OTULINL: variants seen among roughly 807,000 people sequenced by gnomAD.
OTULINL encodes inactive ubiquitin thioesterase OTULINL.
OTULINL carries 42 observed loss-of-function variants against 43.9 expected under a neutral mutation model. That is an observed-to-expected ratio of 0.96 (90% CI 0.75 to 1.24). The LOEUF is 1.24. Among genes scored for constraint, OTULINL ranks in the 50% most tolerant of loss-of-function variants. The probability of loss-of-function intolerance (pLI) is 0.00; values close to 1 mark genes in which losing one functional copy is unlikely to be tolerated. For missense variants in OTULINL, 411 were observed against 426.4 expected (o/e 0.96, Z 0.32); for synonymous variants, 172 against 153.6 (o/e 1.12, Z -0.88).
At chr5:14,589,063 A>G (rs1242377586) in intron 1 of OTULINL, among the ~76,000 whole-genome samples, 3 of 152,194 alleles carry the variant, frequency 2.0e-5, no homozygotes, top group Non-Finnish European at 4.4e-5. Flanking sequence ...CGTTCATTCA[A>G]GAAATATGTA....
At chr5:14,599,516 TTTTC>T (rs1217137662) in intron 1 of OTULINL, among the ~76,000 whole-genome samples, 6 of 152,194 alleles carry the variant, frequency 3.9e-5, no homozygotes, top group African/African-American at 1.4e-4. Context: ...GCTAGTGTTT[TTTTC>T]TTTATTTGCT....
rs1216052918 is a variant in OTULINL, at chr5:14,610,178, AGAT to A, written c.936_938del (p.Ile313del). 1 of 1,614,088 alleles carries A rather than the reference AGAT, an allele frequency of 6.2e-7. No individual in the cohort carries two copies. The highest frequency in any genetic ancestry group is 8.5e-7 in the Non-Finnish European group (1 of 1,179,954). ...ATACTTGGATACTCCCTTGAAGTAA[AGAT>A]AAAAGTGTTCAGACTGTTCAAGTTT... On this transcript the variant is annotated inframe_deletion, in exon 8 of 8. Transcript: ENST00000274217.
At position 14,601,409 on chromosome 5, in the gene OTULINL, A is replaced by G. The variant is rs1759386739; in HGVS notation, c.315A>G (p.Lys105=). The change falls in exon 4 of 8, where the codon AAA becomes AAG. Residue 105 remains lysine, a synonymous_variant. Transcript: ENST00000274217. ...TCAGTTATTGTGCAAGAGAATGGAA[A>G]GGAGAGACACCCCGTAACAAGCTGA... ...DLLSYCAREW[K]GETPRNKLMR... The G allele has an allele frequency of 6.2e-7, 1 of 1,614,094 alleles. No homozygotes were observed. Among genetic ancestry groups the G allele is most frequent in the Non-Finnish European group, 8.5e-7 (1 of 1,180,042 alleles).
chr5:14,610,821 T>C lies in OTULINL; in HGVS notation c.*507T>C, dbSNP rs573771588. 1 of 156,540 alleles carries C rather than the reference T, an allele frequency of 6.4e-6. No individual in the cohort carries two copies. Among genetic ancestry groups the C allele is most frequent in the South Asian group, 1.9e-4 (1 of 5,342 alleles). The allele number at this position is 156,540 out of a possible 1,614,324, so 9.7% of individuals were successfully genotyped here. ...TTTTTGATAACCATTTGATTAACTTTAAAATTAAGTATATGTGTGTATATA... is the reference window on the plus strand; with the variant it reads ...TTTTTGATAACCATTTGATTAACTTCAAAATTAAGTATATGTGTGTATATA... On this transcript the variant is annotated 3_prime_UTR_variant, in exon 8 of 8. Coordinates refer to ENST00000274217, the MANE Select transcript of OTULINL (RefSeq NM_019018.3).
chr5:14,603,836 TCTAATATAGGAA>T (rs1355447675), intron 5 of OTULINL, among the ~76,000 whole-genome samples: 2 of 152,214 alleles, frequency 1.3e-5, no homozygotes, highest in Non-Finnish European at 2.9e-5. Context: ...ATGCAGTATG[TCTAATATAGGAA>T]CTACATTTAA....
intron 1 of OTULINL, among the ~76,000 whole-genome samples, chr5:14,593,343 T>C (rs1272504574): frequency 1.3e-5 from 2 of 152,294 alleles, no homozygotes; most frequent in African/African-American, 4.8e-5. Context: ...TTTGTTTAAT[T>C]TTGTTCCAAC....
At chr5:14,588,534 A>G (rs1248050382) in intron 1 of OTULINL, among the ~76,000 whole-genome samples, 2 of 152,232 alleles carry the variant, frequency 1.3e-5, no homozygotes, top group African/African-American at 4.8e-5. Flanking sequence ...AAAAGTCAGA[A>G]GGGACCACCA....
chr5:14,614,582 G>A lies in OTULINL; in HGVS notation c.*4268G>A. On this transcript the variant is annotated 3_prime_UTR_variant, in exon 8 of 8. Transcript: ENST00000274217. ...TTATATTTATGCTTAATATCAACAT[G>A]GTTTATAAGTGGACAGAAAAACACT... The A allele has an allele frequency of 2.5e-6, 1 of 398,596 alleles. No individual in the cohort carries two copies. The highest frequency in any genetic ancestry group is 3.6e-5 in the East Asian group (1 of 28,078). 24.7% of individuals were successfully genotyped at this position (398,596 alleles called of 1,614,324 possible). A position where few individuals can be genotyped will look rare whatever the true frequency, so the allele number is the denominator to read the frequency against.
intron 1 of OTULINL, among the ~76,000 whole-genome samples, chr5:14,587,366 C>T (rs940473165): frequency 1.3e-5 from 2 of 152,202 alleles, no homozygotes; most frequent in African/African-American, 4.8e-5. Flanking sequence ...GAAGAGATGG[C>T]AAGCCAGTGC....
In OTULINL at chr5:14,602,070, G is replaced by C. The variant is rs1759397082; in HGVS notation, c.349-113G>C. ...GCGGTCATATTCGTAATTTATCATT[G>C]TTTCTGTTGTCCACTTTAGTTGGGA... On this transcript the variant is annotated intron_variant, in intron 4 of 7. Coordinates refer to ENST00000274217, the MANE Select transcript of OTULINL (RefSeq NM_019018.3). The C allele has an allele frequency of 4.2e-6, 3 of 721,670 alleles. No individual in the cohort carries two copies. In the South Asian group the frequency reaches 7.3e-5, roughly 18 times the overall value. The allele number at this position is 721,670 out of a possible 1,614,324, so 44.7% of individuals were successfully genotyped here. A position where few individuals can be genotyped will look rare whatever the true frequency, so the allele number is the denominator to read the frequency against.
chr5:14,606,996 A>T (rs975169134), intron 5 of OTULINL, among the ~76,000 whole-genome samples: 1 of 152,204 alleles, frequency 6.6e-6, no homozygotes, highest in Non-Finnish European at 1.5e-5. Context: ...TGGGAGGCCA[A>T]GGCGGGCAGA....
chr5:14,609,831 C>T (rs1028294859), intron 7 of OTULINL, among the ~76,000 whole-genome samples: 5 of 152,108 alleles, frequency 3.3e-5, no homozygotes, highest in African/African-American at 4.8e-5. Context: ...GGGGTTTCAC[C>T]GTGTTTTCGA....
At chr5:14,601,589 C>A in intron 4 of OTULINL, 147 bp downstream of exon 4, 1 of 749,178 alleles carries the variant, frequency 1.3e-6, no homozygotes, top group Non-Finnish European at 2.2e-6. Flanking sequence ...ACTCAAAAGC[C>A]AAATGGCTGT....
Position 14,588,620 on chromosome 5 carries a change from C to G in OTULINL, c.64+6662C>G, listed in dbSNP as rs191758989. Among the ~76,000 whole-genome samples the G allele has an allele frequency of 4.6e-5, 7 of 152,320 alleles. 1 individual carries two copies. In the East Asian group the frequency reaches 5.8e-4, roughly 13 times the overall value. On this transcript the variant is annotated intron_variant, in intron 1 of 7. Transcript: ENST00000274217. Reference sequence around the variant, plus strand: ...CAAATAGGTGAATACATTTATTTCTCTCACATCAAAGAGAGGTAGCTCCCC... The same window carrying G: ...CAAATAGGTGAATACATTTATTTCTGTCACATCAAAGAGAGGTAGCTCCCC...
intron 5 of OTULINL, 121 bp downstream of exon 5, chr5:14,602,453 T>C: frequency 1.1e-6 from 1 of 917,520 alleles, no homozygotes; most frequent in African/African-American, 1.7e-5. Context: ...TTTTTGTTTT[T>C]TTGAGACAAG....
rs906706151 is a variant in OTULINL at position 14,581,824 on chromosome 5, C to T, written c.-71C>T. The T allele has an allele frequency of 2.4e-6, 3 of 1,235,136 alleles. No homozygotes were observed. The highest frequency in any genetic ancestry group is 3.1e-4 in the Middle Eastern group (1 of 3,234). 76.5% of individuals were successfully genotyped at this position (1,235,136 alleles called of 1,614,324 possible). On this transcript the variant is annotated 5_prime_UTR_variant, in exon 1 of 8. Coordinates refer to ENST00000274217, the MANE Select transcript of OTULINL (RefSeq NM_019018.3). ...GGAAGCGAGCCCGGGCGCCGGCGGG[C>T]GGCCGTCGCGTCTGACAGACCACTG... is the stretch of plus-strand genomic sequence containing the variant.
In OTULINL at chr5:14,584,787, C is replaced by T. The variant is rs776588030; in HGVS notation, c.64+2829C>T. Reference sequence around the variant, plus strand: ...TCTGCTAAATGAAAGATATATTCCTCGATATCCTGGATTTTGTTAATCCAA... The same window carrying T: ...TCTGCTAAATGAAAGATATATTCCTTGATATCCTGGATTTTGTTAATCCAA... On this transcript the variant is annotated intron_variant, in intron 1 of 7. Transcript: ENST00000274217. Among the ~76,000 whole-genome samples the T allele has an allele frequency of 3.3e-5, 5 of 152,288 alleles. No homozygotes were observed. In the East Asian group the frequency reaches 5.8e-4, roughly 18 times the overall value.
chr5:14,606,325 A>G (rs1759475174), intron 5 of OTULINL, among the ~76,000 whole-genome samples: 1 of 152,126 alleles, frequency 6.6e-6, no homozygotes, highest in Non-Finnish European at 1.5e-5. Flanking sequence ...GTCACCTCCC[A>G]CCAGGTCCCT....
chr5:14,587,370 C>T (rs1355697187), intron 1 of OTULINL, among the ~76,000 whole-genome samples: 1 of 152,172 alleles, frequency 6.6e-6, no homozygotes. Context: ...AGATGGCAAG[C>T]CAGTGCCAGC....
Sources: gnomAD v4.1 joint callset for allele counts (sites outside exome capture counted in the v4.1 genomes callset) on GRCh38, gnomAD v4.1.1 for gene constraint, MANE v1.5 for transcripts, NCBI Gene and HGNC (gene_info 2026-07-23, HGNC 2026-07-21) for gene names.